The following LTBP2 variants were observed in gnomAD, a reference collection of about 807,000 sequenced individuals.
LTBP2 encodes latent-transforming growth factor beta-binding protein 2.
LTBP2 carries 103 observed loss-of-function variants against 210.6 expected under a neutral mutation model. The observed-to-expected ratio is 0.49, with a 90% CI of 0.42 to 0.58. The LOEUF is 0.58. LTBP2 is among the 20% of genes least tolerant of loss of function. The pLI, the probability that LTBP2 is intolerant of heterozygous loss-of-function variation, is 0.00. For synonymous variants in LTBP2, 1,007 were observed against 1,015.0 expected, an observed-to-expected ratio of 0.99 and a Z score of 0.15; for missense variants, 2,313 against 2,494.5, an observed-to-expected ratio of 0.93 and a Z score of 1.55.
intron 10 of LTBP2, 43 bp from the exon 11 acceptor site, chr14:74,529,165 G>T (rs1032353932): frequency 6.5e-7 from 1 of 1,549,904 alleles, no homozygotes; most frequent in Admixed American, 2.0e-5. Flanking sequence ...GTGGCCAGTG[G>T]GAGGGGAATG....
chr14:74,562,651 C>A (rs1334897395), intron 3 of LTBP2, among the ~76,000 whole-genome samples: 1 of 151,952 alleles, frequency 6.6e-6, no homozygotes, highest in Non-Finnish European at 1.5e-5. Context: ...TTTCTTGAAC[C>A]CAGAAAAATA....
At chr14:74,601,744 C>A (rs1452986257) in intron 2 of LTBP2, among the ~76,000 whole-genome samples, 3 of 152,180 alleles carry the variant, frequency 2.0e-5, no homozygotes, top group Non-Finnish European at 4.4e-5. Context: ...GGTGTTAGGA[C>A]AACCACGTTA....
intron 17 of LTBP2, among the ~76,000 whole-genome samples, chr14:74,520,717 C>T (rs938352689): frequency 1.3e-5 from 2 of 152,168 alleles, no homozygotes; most frequent in African/African-American, 4.8e-5. Flanking sequence ...AGGAGAATGG[C>T]GTGAACCCAG....
intron 8 of LTBP2, among the ~76,000 whole-genome samples, chr14:74,537,956 T>C (rs766438002): frequency 3.2e-4 from 49 of 152,188 alleles, no homozygotes; most frequent in Non-Finnish European, 1.0e-4. Flanking sequence ...GGTTTCACCA[T>C]GTTGGCCAGG....
At chr14:74,532,402 C>G (rs768465041) in intron 10 of LTBP2, 24 bp downstream of exon 10, 2 of 1,613,388 alleles carry the variant, frequency 1.2e-6, no homozygotes, top group South Asian at 1.1e-5. Flanking sequence ...TGTCCACCCC[C>G]ACCCCATCCC....
intron 11 of LTBP2, 21 bp from the exon 12 acceptor site, chr14:74,528,719 G>A (rs1199561523): frequency 6.2e-7 from 1 of 1,608,690 alleles, no homozygotes; most frequent in Non-Finnish European, 8.5e-7. Flanking sequence ...AACAGCCAGA[G>A]GACAAACTGA....
At chr14:74,594,267 A>G (rs572502756) in intron 2 of LTBP2, among the ~76,000 whole-genome samples, 15 of 152,212 alleles carry the variant, frequency 9.9e-5, no homozygotes, top group African/African-American at 1.7e-4. Context: ...TGGGCCCCAG[A>G]GACACCTTTG....
chr14:74,501,573 C>T lies in LTBP2; in HGVS notation c.5188G>A (p.Glu1730Lys), dbSNP rs749894277. ...ASHPEPPAGF[E>K]GLQAEECGIL... ...CCGCACTCCTCCGCCTGAAGCCCTT[C>T]GAAGCCGGCTGGGGGCTCTGGGAGG... The change falls in exon 35 of 36, where the codon GAA (glutamate) becomes AAA (lysine). Residue 1730 changes from glutamate (E) to lysine (K), a missense_variant. By Grantham distance (56) the Glu-to-Lys change is moderately conservative. Around this residue, in one of 3 missense-constraint regions of LTBP2, gnomAD observed 443 missense variants for 501.4 expected, o/e 0.88. Coordinates refer to ENST00000261978, the MANE Select transcript of LTBP2 (RefSeq NM_000428.3). The T allele has an allele frequency of 1.1e-5, 17 of 1,613,942 alleles. No individual in the cohort carries two copies. The highest frequency in any genetic ancestry group is 1.3e-5 in the Non-Finnish European group (15 of 1,180,036).
intron 7 of LTBP2, 138 bp downstream of exon 7, chr14:74,550,926 T>C: frequency 8.7e-7 from 1 of 1,148,126 alleles, no homozygotes; most frequent in Non-Finnish European, 1.3e-6. Context: ...CCTTGGGTTT[T>C]CCCATCTGGG....
chr14:74,611,522 A>G lies in LTBP2; in HGVS notation c.423T>C (p.Ala141=). 3 of 1,542,624 alleles carry G rather than the reference A, an allele frequency of 1.9e-6. No individual in the cohort carries two copies. The highest frequency in any genetic ancestry group is 1.7e-6 in the Non-Finnish European group (2 of 1,153,742). Residue 141 remains alanine (A), a synonymous_variant, in exon 1 of 36, where the codon GCT becomes GCC. Coordinates refer to ENST00000261978, the MANE Select transcript of LTBP2 (RefSeq NM_000428.3). ...QPAPRTRAAP[A]LPRLGTPQRS... ...GCTGTGGGGTCCCCAGGCGTGGGAG[A>G]GCCGGCGCGGCCCGGGTCCGGGGTG...
At chr14:74,587,245 T>C (rs1306487659) in intron 2 of LTBP2, among the ~76,000 whole-genome samples, 2 of 152,126 alleles carry the variant, frequency 1.3e-5, no homozygotes, top group East Asian at 3.9e-4. Flanking sequence ...CTGTCGCTCA[T>C]TCATTCAACA....
rs376831260 is a variant in LTBP2, at chr14:74,543,373, G to A, written c.1789+6490C>T. ...AGCCTGGGTGACAGAGCGAGACTCC[G>A]TCTCAAAAAAAAAAAAAAAAAAAAC... On this transcript the variant is annotated intron_variant, in intron 8 of 35. Coordinates refer to ENST00000261978, the MANE Select transcript of LTBP2 (RefSeq NM_000428.3). 5.1e-3 allele frequency among the ~76,000 whole-genome samples: 349 copies of A among 68,022 alleles called. 2 individuals are homozygous for A. The highest frequency in any genetic ancestry group is 0.015 in the African/African-American group (339 of 22,846). 44.6% of individuals were successfully genotyped at this position (68,022 alleles called of 152,430 possible). A position where few individuals can be genotyped will look rare whatever the true frequency, so the allele number is the denominator to read the frequency against.
chr14:74,571,510 C>T (rs189095035), intron 3 of LTBP2, among the ~76,000 whole-genome samples: 1 of 152,350 alleles, frequency 6.6e-6, no homozygotes, highest in East Asian at 1.9e-4. Context: ...GGCTGCATAG[C>T]TAAGTGGTGG....
At chr14:74,505,976 A>T in intron 28 of LTBP2, 72 bp downstream of exon 28, 6 of 1,588,108 alleles carry the variant, frequency 3.8e-6, no homozygotes, top group Non-Finnish European at 5.2e-6. Context: ...AGAGGCTAGT[A>T]GAGGGATGCA....
At chr14:74,504,959 G>T (rs1239148682) in intron 29 of LTBP2, 24 bp downstream of exon 29, 1 of 1,580,236 alleles carries the variant, frequency 6.3e-7, no homozygotes, top group Non-Finnish European at 8.6e-7. Flanking sequence ...ACCCTTCGAG[G>T]ATCTGGAACC....
At chr14:74,576,036 A>T (rs1291049674) in intron 3 of LTBP2, among the ~76,000 whole-genome samples, 7 of 150,974 alleles carry the variant, frequency 4.6e-5, no homozygotes, top group Non-Finnish European at 1.0e-4. Flanking sequence ...CCCTGTCCAG[A>T]CTCTCAGCAC....
Position 74,503,937 on chromosome 14 carries a change from T to C in LTBP2, c.4571A>G (p.Lys1524Arg), listed in dbSNP as rs1208947828. The change falls in exon 31 of 36, where the codon AAG (lysine) becomes AGG (arginine). Residue 1524 changes from lysine to arginine, a missense_variant. This residue lies in a region of LTBP2 where 443 missense variants were observed against 501.4 expected (regional missense o/e 0.88). Transcript: ENST00000261978. ...ATGTGTGTCCTTACCCTCACACTTC[T>C]TGTGGGAAGCATCGTAGTGGAAGCC... ...NPGFHYDASH[K>R]KCEDHDECQD... 6.2e-7 allele frequency: 1 copy of C among 1,614,122 alleles called. No homozygotes were observed. The highest frequency in any genetic ancestry group is 8.5e-7 in the Non-Finnish European group (1 of 1,180,004).
intron 9 of LTBP2, among the ~76,000 whole-genome samples, chr14:74,533,338 C>T (rs888142538): frequency 6.6e-6 from 1 of 152,194 alleles, no homozygotes; most frequent in Non-Finnish European, 1.5e-5. Context: ...GCACTGGGCA[C>T]AGAGTCATTC....
At chr14:74,521,608 C>T (rs1298102468) in intron 17 of LTBP2, among the ~76,000 whole-genome samples, 2 of 152,228 alleles carry the variant, frequency 1.3e-5, no homozygotes, top group African/African-American at 4.8e-5. Flanking sequence ...AGTTTGGGGG[C>T]CTGCTGCATA....
Sources: gnomAD v4.1 joint callset for allele counts (sites outside exome capture counted in the v4.1 genomes callset) on GRCh38, gnomAD v4.1.1 for gene constraint, gnomAD v4.1.1 regional missense constraint, MANE v1.5 for transcripts, NCBI Gene and HGNC (gene_info 2026-07-23, HGNC 2026-07-21) for gene names.